The following NMI variants were observed in gnomAD, a reference collection of about 807,000 sequenced individuals.
NMI encodes the protein N-myc-interactor.
Under a neutral mutation model 34.3 loss-of-function variants are expected in NMI, and 39 were observed. The observed-to-expected ratio is 1.14, with a 90% CI of 0.88 to 1.49. NMI has a LOEUF of 1.49. Among genes scored for constraint, NMI ranks in the 40% most tolerant of loss-of-function variants. NMI has a pLI of 0.00. For synonymous variants in NMI, 113 were observed against 120.3 expected (o/e 0.94, Z 0.40); for missense variants, 339 against 358.1 (o/e 0.95, Z 0.43).
intron 4 of NMI, among the ~76,000 whole-genome samples, chr2:151,277,026 G>A (rs1683302885): frequency 6.6e-6 from 1 of 152,188 alleles, no homozygotes; most frequent in East Asian, 1.9e-4. Flanking sequence ...TAATACTGCA[G>A]TTGTTGATAT....
chr2:151,287,148 T>C (rs1271355833), intron 1 of NMI, among the ~76,000 whole-genome samples: 2 of 152,072 alleles, frequency 1.3e-5, no homozygotes, highest in East Asian at 3.9e-4. Flanking sequence ...TATACTCAAG[T>C]ATATAATGAA....
Position 151,282,887 on chromosome 2 carries a change from A to G in NMI, c.62T>C (p.Ile21Thr). 1 of 1,518,314 alleles carries G rather than the reference A, an allele frequency of 6.6e-7. No homozygotes were observed. 94.1% of individuals were successfully genotyped at this position (1,518,314 alleles called of 1,614,324 possible). A position where few individuals can be genotyped will look rare whatever the true frequency, so the allele number is the denominator to read the frequency against. Residue 21 changes from isoleucine (I) to threonine (T), a missense_variant, in exon 2 of 8, where the codon ATA (isoleucine) becomes ACA (threonine). Ile to Thr is a moderately conservative substitution (Grantham distance 89). Coordinates refer to ENST00000243346, the MANE Select transcript of NMI (RefSeq NM_004688.3). ...ILKEHSPDEF[I>T]KDEQNKGLID... ...TTTTACCTTATTTTGTTCATCTTTT[A>G]TAAATTCATCTGGCGAATGCTCCTT...
At chr2:151,288,418 A>T (rs1683547782) in intron 1 of NMI, among the ~76,000 whole-genome samples, 1 of 152,188 alleles carries the variant, frequency 6.6e-6, no homozygotes, top group Non-Finnish European at 1.5e-5. Flanking sequence ...TGAGCCAAAT[A>T]AGGTAGGTGG....
intron 1 of NMI, among the ~76,000 whole-genome samples, chr2:151,288,588 C>CGTGTGTGTGTGT (rs1434669267): frequency 1.6e-5 from 2 of 128,344 alleles, no homozygotes; most frequent in South Asian, 5.3e-4. Context: ...TGTGTGTGTG[C>CGTGTGTGTGTGT]GCGCGCGCGC....
intron 2 of NMI, 165 bp downstream of exon 2, chr2:151,282,703 T>C: frequency 9.4e-6 from 4 of 424,392 alleles, no homozygotes; most frequent in Non-Finnish European, 1.7e-5. Context: ...AATATGACAC[T>C]TCTTGTAAGG....
chr2:151,283,217 T>G (rs1683439374), intron 1 of NMI, among the ~76,000 whole-genome samples: 1 of 152,056 alleles, frequency 6.6e-6, no homozygotes, highest in Non-Finnish European at 1.5e-5. Flanking sequence ...CTTGGCTCAC[T>G]GCAACCTCTG....
chr2:151,274,667 G>A (rs931299465), intron 6 of NMI, among the ~76,000 whole-genome samples: 4 of 151,292 alleles, frequency 2.6e-5, no homozygotes, highest in African/African-American at 4.9e-5. Context: ...TAGTAGAGAC[G>A]GGGTTTCACC....
chr2:151,276,432 C>CTCATAAGAT (rs1683294420), intron 4 of NMI, among the ~76,000 whole-genome samples: 1 of 152,178 alleles, frequency 6.6e-6, no homozygotes, highest in South Asian at 2.1e-4. Context: ...CTAGATTCTT[C>CTCATAAGAT]TCATAAGATG....
rs375282809 is a variant in NMI, at chr2:151,270,819, T to C, written c.798A>G (p.Gln266=). The C allele has an allele frequency of 4.3e-5, 69 of 1,613,852 alleles. No homozygotes were observed. Among genetic ancestry groups the C allele is most frequent in the Non-Finnish European group, 5.3e-5 (63 of 1,179,874 alleles). The change falls in exon 8 of 8, where the codon CAA becomes CAG. Residue 266 remains glutamine, a synonymous_variant. Coordinates refer to ENST00000243346, the MANE Select transcript of NMI (RefSeq NM_004688.3). ...TVLLTGMEGI[Q]MDEEIVEDLI... Reference sequence around the variant, plus strand: ...AATCCTCCACAATTTCTTCATCCATTTGAATGCCTTCCATTCCTGTCAGAA... The same window carrying C: ...AATCCTCCACAATTTCTTCATCCATCTGAATGCCTTCCATTCCTGTCAGAA...
At chr2:151,286,706 C>T (rs923608755) in intron 1 of NMI, among the ~76,000 whole-genome samples, 1 of 152,206 alleles carries the variant, frequency 6.6e-6, no homozygotes, top group African/African-American at 2.4e-5. Context: ...TGGGTTACAA[C>T]CACTGTCTGT....
chr2:151,271,313 G>C (rs1573740143), intron 7 of NMI, among the ~76,000 whole-genome samples: 1 of 152,124 alleles, frequency 6.6e-6, no homozygotes, highest in Non-Finnish European at 1.5e-5. Flanking sequence ...AAGTAGGCAG[G>C]AATTCTTTCT....
intron 6 of NMI, among the ~76,000 whole-genome samples, chr2:151,274,344 C>CAAAAAAAA (rs773276443): frequency 3.7e-5 from 2 of 54,674 alleles, no homozygotes; most frequent in Non-Finnish European, 6.4e-5. Flanking sequence ...CTCTGTCTCA[C>CAAAAAAAA]AAAAAAAAAA....
chr2:151,279,704 T>C (rs902402144), intron 3 of NMI, among the ~76,000 whole-genome samples: 1 of 152,056 alleles, frequency 6.6e-6, no homozygotes, highest in Non-Finnish European at 1.5e-5. Context: ...GGATGGTCTC[T>C]TGACCTCATG....
chr2:151,285,356 GAGATAGAT>G (rs71403153), intron 1 of NMI, among the ~76,000 whole-genome samples: 35,477 of 147,420 alleles, frequency 0.24, 4,536 homozygotes, highest in Admixed American at 0.33. Context: ...ATTGATGATT[GAGATAGAT>G]AGATAGATAG....
chr2:151,287,842 TCTTGA>T lies in NMI; in HGVS notation c.-7+1746_-7+1750del, dbSNP rs555382601. Among the ~76,000 whole-genome samples the T allele has an allele frequency of 3.4e-3, 517 of 152,342 alleles. 4 individuals carry two copies. The highest frequency in any genetic ancestry group is 0.012 in the African/African-American group (496 of 41,562). On this transcript the variant is annotated intron_variant, in intron 1 of 7. Coordinates refer to ENST00000243346, the MANE Select transcript of NMI (RefSeq NM_004688.3). ...ACTCCATTTAGAGAATTATGTGGTA[TCTTGA>T]CTTAAGTATTTGTTGTACTCAGGAC...
chr2:151,285,038 A>G (rs76473692), intron 1 of NMI, among the ~76,000 whole-genome samples: 2,617 of 152,300 alleles, frequency 0.017, 43 homozygotes, highest in Non-Finnish European at 0.023. Flanking sequence ...GGTCTGGGGT[A>G]TAAAATATAC....
rs897139268 is a variant in NMI at position 151,278,859 on chromosome 2, TC to T, written c.308del (p.Gly103AspfsTer17). On this transcript the variant is annotated frameshift_variant, in exon 4 of 8. Transcript: ENST00000243346. LOFTEE classifies it high-confidence loss of function. ...SSKVPYEIQK[G>X]QALITFEKEE... ...CTTTTTCAAAGGTGATAAGTGCTTG[TC>T]CTTTTTGTATCTCATAAGGAACTTT... 13 of 1,613,470 alleles carry T rather than the reference TC, an allele frequency of 8.1e-6. No individual in the cohort carries two copies. The African/African-American group carries it at 1.3e-4, about 17-fold the overall frequency.
At chr2:151,286,729 A>G (rs1573749422) in intron 1 of NMI, among the ~76,000 whole-genome samples, 2 of 152,230 alleles carry the variant, frequency 1.3e-5, no homozygotes, top group East Asian at 3.8e-4. Context: ...TGCAAGCCCA[A>G]CAGGCTTTGT....
At position 151,271,724 on chromosome 2, in the gene NMI, T is replaced by C; in HGVS notation, c.643A>G (p.Lys215Glu). The change falls in exon 7 of 8, where the codon AAG becomes GAG. Residue 215 changes from lysine to glutamate, a missense_variant. Physicochemically the swap from Lys to Glu is moderately conservative, Grantham distance 56 (BLOSUM62 1). Coordinates refer to ENST00000243346, the MANE Select transcript of NMI (RefSeq NM_004688.3). Reference protein sequence around the residue: ...ITFVEIGVADKILKKKEYPLY... With the variant: ...ITFVEIGVADEILKKKEYPLY... ...GGGTATTCTTTCTTTTTCAAAATCT[T>C]GTCAGCCACTAAAAGCAAAACAAAA... 1 of 1,524,014 alleles carries C rather than the reference T, an allele frequency of 6.6e-7. No individual in the cohort carries two copies. The highest frequency in any genetic ancestry group is 2.3e-5 in the East Asian group (1 of 44,306). 94.4% of individuals were successfully genotyped at this position (1,524,014 alleles called of 1,614,324 possible).
Sources: allele counts gnomAD v4.1 joint callset (sites outside exome capture counted in the v4.1 genomes callset), GRCh38; gene constraint gnomAD v4.1.1; transcripts MANE v1.5; gene names NCBI Gene and HGNC (gene_info 2026-07-23, HGNC 2026-07-21).